Variants in SLFN5 observed in about 807,000 individuals in gnomAD.
SLFN5 encodes schlafen family member 5.
In SLFN5, 34 loss-of-function variants were observed where a neutral mutation model predicts 48.5. The observed-to-expected ratio is 0.70, with a 90% confidence interval of 0.53 to 0.93. SLFN5 has a LOEUF of 0.93. SLFN5 is among the 40% of genes least tolerant of loss of function. The pLI is 0.00. For missense variants in SLFN5, 1,006 were observed against 1,071.3 expected (o/e 0.94, Z 0.85); for synonymous variants, 387 against 396.2 (o/e 0.98, Z 0.28).
Position 35,270,780 on chromosome 17 carries a change from C to G in SLFN5, c.*4892C>G, listed in dbSNP as rs2671821. The G allele has an allele frequency of 1.9e-3, 291 of 152,334 alleles. No homozygotes were observed. Among genetic ancestry groups the G allele is most frequent in the African/African-American group, 6.6e-3 (275 of 41,558 alleles). 9.4% of individuals were successfully genotyped at this position (152,334 alleles called of 1,614,324 possible). A position where few individuals can be genotyped will look rare whatever the true frequency, so the allele number is the denominator to read the frequency against. ...GCCAGTAGCAAATCCACCACCCTCC[C>G]TCCCCTACCCCAGGGTTGGTTGTCA... On this transcript the variant is annotated 3_prime_UTR_variant, in exon 5 of 5. Coordinates refer to ENST00000299977, the MANE Select transcript of SLFN5 (RefSeq NM_144975.4).
At chr17:35,246,540 A>G (rs1353091183) in intron 1 of SLFN5, among the ~76,000 whole-genome samples, 1 of 152,154 alleles carries the variant, frequency 6.6e-6, no homozygotes, top group Non-Finnish European at 1.5e-5. Flanking sequence ...TTAAAGTCCA[A>G]TATATCATTT....
intron 1 of SLFN5, among the ~76,000 whole-genome samples, chr17:35,252,621 T>C (rs1040361102): frequency 1.1e-4 from 8 of 75,716 alleles, no homozygotes; most frequent in East Asian, 8.6e-4. Flanking sequence ...TTCCTCAGTA[T>C]TTTTTTTTTT....
rs1904743794 is a variant in SLFN5 at position 35,267,965 on chromosome 17, A to G, written c.*2077A>G. 6.6e-6 allele frequency: 1 copy of G among 152,222 alleles called. No individual in the cohort carries two copies. The highest frequency in any genetic ancestry group is 6.5e-5 in the Admixed American group (1 of 15,280). 9.4% of individuals were successfully genotyped at this position (152,222 alleles called of 1,614,324 possible). The stretch of plus-strand genomic sequence containing the variant: ...TTGTCCCCAGGGACTCTCCGTGGAC[A>G]CAGGAGGGATTTTCCAGGATTTCAC... On this transcript the variant is annotated 3_prime_UTR_variant, in exon 5 of 5. Transcript: ENST00000299977.
In SLFN5 at chr17:35,259,713, A is replaced by G. The variant is rs1242421442; in HGVS notation, c.1012+11A>G. On this transcript the variant is annotated intron_variant, in intron 2 of 4. Transcript: ENST00000299977. ...TGGAAGCTGACCCAGGTTAGGGAGCAATATCCACAATGGTTGTAATGTTTG... is the reference window on the plus strand; with the variant it reads ...TGGAAGCTGACCCAGGTTAGGGAGCGATATCCACAATGGTTGTAATGTTTG... 1.3e-6 allele frequency: 2 copies of G among 1,598,112 alleles called. No individual in the cohort carries two copies. Among genetic ancestry groups the G allele is most frequent in the East Asian group, 4.5e-5 (2 of 44,858 alleles).
At chr17:35,258,566 C>A in intron 1 of SLFN5, 85 bp from the exon 2 acceptor site, 1 of 1,171,882 alleles carries the variant, frequency 8.5e-7, no homozygotes, top group Non-Finnish European at 1.2e-6. Flanking sequence ...AGGGACCAAC[C>A]TCAGTAGGAT....
chr17:35,272,655 A>T lies in SLFN5; in HGVS notation c.*6767A>T, dbSNP rs1386077045. 1 of 152,246 alleles carries T rather than the reference A, an allele frequency of 6.6e-6. No homozygotes were observed. Among genetic ancestry groups the T allele is most frequent in the African/African-American group, 2.4e-5 (1 of 41,468 alleles). The allele number at this position is 152,246 out of a possible 1,614,324, so 9.4% of individuals were successfully genotyped here. On this transcript the variant is annotated 3_prime_UTR_variant, in exon 5 of 5. Transcript: ENST00000299977. ...GCCAAATAGTTAATTTCTTATTTTCAAAAAATAGCTTCTACAAATCGAAGA... is the reference window on the plus strand; with the variant it reads ...GCCAAATAGTTAATTTCTTATTTTCTAAAAATAGCTTCTACAAATCGAAGA...
rs1342180026 is a variant in SLFN5, at chr17:35,266,462, G to T, written c.*574G>T. ...TAAGATCACAGACTGTTTTTTGCAA[G>T]ACCACATTATATTACTTTATTATTT... On this transcript the variant is annotated 3_prime_UTR_variant, in exon 5 of 5. Transcript: ENST00000299977. 6.6e-6 allele frequency: 1 copy of T among 152,182 alleles called. No homozygotes were observed. The highest frequency in any genetic ancestry group is 1.5e-5 in the Non-Finnish European group (1 of 68,068). 9.4% of individuals were successfully genotyped at this position (152,182 alleles called of 1,614,324 possible).
Position 35,265,329 on chromosome 17 carries a change from A to T in SLFN5, c.2117A>T (p.Glu706Val), listed in dbSNP as rs1904647748. ...LPPPSDQYPREEINRVVRNAG... is the reference protein window; with the variant it reads ...LPPPSDQYPRVEINRVVRNAG... ...CCTCCCTCAGACCAGTATCCAAGAGAAGAGATCAACAGAGTGGTCCGCAAT... is the reference window on the plus strand; with the variant it reads ...CCTCCCTCAGACCAGTATCCAAGAGTAGAGATCAACAGAGTGGTCCGCAAT... The change falls in exon 5 of 5, where the codon GAA (glutamate) becomes GTA (valine). Residue 706 changes from glutamate to valine, a missense_variant. Physicochemically the swap from Glu to Val is moderately radical, Grantham distance 121 (BLOSUM62 -2). Coordinates refer to ENST00000299977, the MANE Select transcript of SLFN5 (RefSeq NM_144975.4). 3.7e-6 allele frequency: 6 copies of T among 1,614,054 alleles called. No individual in the cohort carries two copies. The highest frequency in any genetic ancestry group is 4.2e-6 in the Non-Finnish European group (5 of 1,180,044).
At position 35,265,708 on chromosome 17, in the gene SLFN5, G is replaced by A. The variant is rs754090426; in HGVS notation, c.2496G>A (p.Ala832=). The part of the protein sequence containing the change: ...ESDLLLQIGD[A]SDVLTDHIVL... Reference sequence around the variant, plus strand: ...ATCTGTTACTACAGATCGGTGATGCGTCGGATGTTCTAACCGATCACATTG... The same window carrying A: ...ATCTGTTACTACAGATCGGTGATGCATCGGATGTTCTAACCGATCACATTG... Residue 832 remains alanine (A), a synonymous_variant, in exon 5 of 5, where the codon GCG becomes GCA. Transcript: ENST00000299977. 66 of 1,614,088 alleles carry A rather than the reference G, an allele frequency of 4.1e-5. No homozygotes were observed. The Admixed American group carries it at 1.0e-3, about 25-fold the overall frequency.
rs774111404 is a variant in SLFN5, at chr17:35,272,194, A to G, written c.*6306A>G. 8 of 152,222 alleles carry G rather than the reference A, an allele frequency of 5.3e-5. No homozygotes were observed. Among genetic ancestry groups the G allele is most frequent in the Non-Finnish European group, 8.8e-5 (6 of 68,034 alleles). The allele number at this position is 152,222 out of a possible 1,614,324, so 9.4% of individuals were successfully genotyped here. ...TGATATGTGGAGGGTCAATGGAACA[A>G]GATGAAATGGCCAAAAATAAATTTA... On this transcript the variant is annotated 3_prime_UTR_variant, in exon 5 of 5. Transcript: ENST00000299977.
rs576102135 is a variant in SLFN5, at chr17:35,265,375, C to T, written c.2163C>T (p.Tyr721=). 1.9e-5 allele frequency: 31 copies of T among 1,614,166 alleles called. No individual in the cohort carries two copies. The East Asian group carries it at 6.5e-4, about 34-fold the overall frequency. The change falls in exon 5 of 5, where the codon TAC becomes TAT. Residue 721 remains tyrosine (Y), a synonymous_variant. Coordinates refer to ENST00000299977, the MANE Select transcript of SLFN5 (RefSeq NM_144975.4). ...VVRNAGPIAN[Y]LQQVMQEARQ... ...GCAATGCAGGTCCAATAGCTAATTA[C>T]CTACAACAAGTAATGCAGGAAGCCC...
At position 35,267,184 on chromosome 17, in the gene SLFN5, A is replaced by G. The variant is rs1904720563; in HGVS notation, c.*1296A>G. ...AATATACTGCAAATCACTAGTAAGT[A>G]GAGACACATTTAAGATAAAATGATT... is the stretch of plus-strand genomic sequence containing the variant. On this transcript the variant is annotated 3_prime_UTR_variant, in exon 5 of 5. Coordinates refer to ENST00000299977, the MANE Select transcript of SLFN5 (RefSeq NM_144975.4). The G allele has an allele frequency of 6.6e-6, 1 of 152,232 alleles. No individual in the cohort carries two copies. The highest frequency in any genetic ancestry group is 2.4e-5 in the African/African-American group (1 of 41,462). 9.4% of individuals were successfully genotyped at this position (152,232 alleles called of 1,614,324 possible).
Position 35,264,338 on chromosome 17 carries a change from C to T in SLFN5, c.1294C>T (p.Gln432Ter), listed in dbSNP as rs1904609944. The part of the protein sequence containing the change: ...SQSWAVDLGL[Q>*]EKQGVICDAL... ...AAGCTGGGCTGTGGATTTAGGTCTG[C>T]AAGAGAAGCAGGGAGTCATCTGTGA... Residue 432 changes from glutamine to a stop codon, truncating the protein, a stop_gained, in exon 4 of 5, where the codon CAA becomes TAA. Transcript: ENST00000299977. LOFTEE classifies it high-confidence loss of function. The T allele has an allele frequency of 1.9e-6, 3 of 1,614,060 alleles. No homozygotes were observed. Among genetic ancestry groups the T allele is most frequent in the African/African-American group, 1.3e-5 (1 of 74,914 alleles).
At chr17:35,249,966 T>A (rs2092438612) in intron 1 of SLFN5, among the ~76,000 whole-genome samples, 1 of 152,120 alleles carries the variant, frequency 6.6e-6, no homozygotes, top group South Asian at 2.1e-4. Flanking sequence ...TTACCCAAAC[T>A]TCCCCAATAT....
At position 35,268,282 on chromosome 17, in the gene SLFN5, A is replaced by C. The variant is rs749962155; in HGVS notation, c.*2394A>C. ...TAAGGTAAAAAGAAAGACTCTACCC[A>C]GCTGCCCTGATTAAGCATTAGAAAG... On this transcript the variant is annotated 3_prime_UTR_variant, in exon 5 of 5. Transcript: ENST00000299977. 1 of 152,234 alleles carries C rather than the reference A, an allele frequency of 6.6e-6. No homozygotes were observed. The highest frequency in any genetic ancestry group is 1.5e-5 in the Non-Finnish European group (1 of 68,062). 9.4% of individuals were successfully genotyped at this position (152,234 alleles called of 1,614,324 possible). A position where few individuals can be genotyped will look rare whatever the true frequency, so the allele number is the denominator to read the frequency against.
chr17:35,245,827 CTT>C (rs35157082), intron 1 of SLFN5, among the ~76,000 whole-genome samples: 420 of 145,946 alleles, frequency 2.9e-3, no homozygotes, highest in Non-Finnish European at 4.2e-3. Flanking sequence ...TGGACATATG[CTT>C]TTTTTTTTTT....
rs12948137 is a variant in SLFN5, at chr17:35,267,872, G to A, written c.*1984G>A. 50,288 of 152,170 alleles carry A rather than the reference G, an allele frequency of 0.33. 10,092 individuals carry two copies. The highest frequency in any genetic ancestry group is 0.51 in the Middle Eastern group (151 of 294). 9.4% of individuals were successfully genotyped at this position (152,170 alleles called of 1,614,324 possible). A position where few individuals can be genotyped will look rare whatever the true frequency, so the allele number is the denominator to read the frequency against. On this transcript the variant is annotated 3_prime_UTR_variant, in exon 5 of 5. Coordinates refer to ENST00000299977, the MANE Select transcript of SLFN5 (RefSeq NM_144975.4). ...GTTAATATGGCCAGTTTGAAGGGTG[G>A]TGGCGGAGGTATTGAGCAGGCAGCT...
At position 35,266,541 on chromosome 17, in the gene SLFN5, CT is replaced by C. The variant is rs1158411163; in HGVS notation, c.*658del. Reference sequence around the variant, plus strand: ...TTTTTGATCACTATATTTTAAAATGCTTTTTGTGAGCCTTTTGGTTATGTGG... The same window carrying C: ...TTTTTGATCACTATATTTTAAAATGCTTTTGTGAGCCTTTTGGTTATGTGG... On this transcript the variant is annotated 3_prime_UTR_variant, in exon 5 of 5. Transcript: ENST00000299977. 6.6e-6 allele frequency: 1 copy of C among 152,078 alleles called. No individual in the cohort carries two copies. Among genetic ancestry groups the C allele is most frequent in the African/African-American group, 2.4e-5 (1 of 41,396 alleles). 9.4% of individuals were successfully genotyped at this position (152,078 alleles called of 1,614,324 possible). A position where few individuals can be genotyped will look rare whatever the true frequency, so the allele number is the denominator to read the frequency against.
rs143726649 is a variant in SLFN5, at chr17:35,265,742, A to G, written c.2530A>G (p.Ser844Gly). The G allele has an allele frequency of 1.1e-4, 180 of 1,614,234 alleles. 1 individual carries two copies. The South Asian group carries it at 1.8e-3, about 17-fold the overall frequency. ...TCTAACCGATCACATTGTGTTGGACAGTGTCTGTCGATTTTCAGGCCTGGA... is the reference window on the plus strand; with the variant it reads ...TCTAACCGATCACATTGTGTTGGACGGTGTCTGTCGATTTTCAGGCCTGGA... The part of the protein sequence containing the change: ...DVLTDHIVLD[S>G]VCRFSGLERN... The change falls in exon 5 of 5, where the codon AGT (serine) becomes GGT (glycine). Residue 844 changes from serine to glycine, a missense_variant. Ser to Gly is a moderately conservative substitution (Grantham distance 56). Coordinates refer to ENST00000299977, the MANE Select transcript of SLFN5 (RefSeq NM_144975.4).
Sources: allele counts gnomAD v4.1 joint callset (sites outside exome capture counted in the v4.1 genomes callset), GRCh38; gene constraint gnomAD v4.1.1; transcripts MANE v1.5; gene names NCBI Gene and HGNC (gene_info 2026-07-23, HGNC 2026-07-21).